Variants in PMP22 observed in about 807,000 individuals in gnomAD.
PMP22 encodes the protein peripheral myelin protein 22.
PMP22 carries 2 observed loss-of-function variants against 18.9 expected under a neutral mutation model. The ratio of observed to expected loss-of-function variants is 0.11; its 90% CI spans 0.04 to 0.33. PMP22 has a LOEUF of 0.33. PMP22 is among the 10% of genes least tolerant of loss of function. The pLI is 1.00. For missense variants in PMP22, 169 were observed against 202.2 expected (o/e 0.84, Z 1.00); for synonymous variants, 95 against 89.2 (o/e 1.07, Z -0.37).
intron 3 of PMP22, among the ~76,000 whole-genome samples, chr17:15,245,946 G>C (rs1239363328): frequency 6.6e-6 from 1 of 151,482 alleles, no homozygotes; most frequent in Non-Finnish European, 1.5e-5. Context: ...CCTGGAGGCG[G>C]AGCTTGCAGT....
chr17:15,231,312 T>G lies in PMP22; in HGVS notation c.320-232A>C, dbSNP rs527256892. Among the ~76,000 whole-genome samples the G allele has an allele frequency of 7.2e-5, 11 of 152,298 alleles. No individual in the cohort carries two copies. The South Asian group carries it at 2.1e-3, about 29-fold the overall frequency. On this transcript the variant is annotated intron_variant, in intron 4 of 4. Transcript: ENST00000312280. Reference sequence around the variant, plus strand: ...CACCTAGGCCTTAATACCTGAGGGTTTTCTTTACATTTTCTGCCCTATTTC... The same window carrying G: ...CACCTAGGCCTTAATACCTGAGGGTGTTCTTTACATTTTCTGCCCTATTTC...
chr17:15,247,282 T>C (rs993204727), intron 3 of PMP22, among the ~76,000 whole-genome samples: 2 of 151,984 alleles, frequency 1.3e-5, no homozygotes, highest in African/African-American at 4.8e-5. Flanking sequence ...GGCAGGAGAA[T>C]GGTGTGAACC....
At chr17:15,233,910 G>A (rs1906571375) in intron 4 of PMP22, among the ~76,000 whole-genome samples, 1 of 152,164 alleles carries the variant, frequency 6.6e-6, no homozygotes, top group South Asian at 2.1e-4. Context: ...GGAAAGAGAG[G>A]GCCTTACATG....
At position 15,261,110 on chromosome 17, in the gene PMP22, G is replaced by A. The variant is rs1176786967; in HGVS notation, c.-34-349C>T. On this transcript the variant is annotated intron_variant, in intron 1 of 4. Transcript: ENST00000312280. The surrounding 1 kb of genome is among the most constrained non-coding windows in gnomAD (Gnocchi z 5.2). The stretch of plus-strand genomic sequence containing the variant: ...CACTGCACGCTTCCACCCACCCCAA[G>A]CACCTCCCGGCGACCTCCCTGGAAG... 2 of 161,250 alleles carry A rather than the reference G, an allele frequency of 1.2e-5. No homozygotes were observed. Among genetic ancestry groups the A allele is most frequent in the Non-Finnish European group, 2.7e-5 (2 of 75,282 alleles). 10.0% of individuals were successfully genotyped at this position (161,250 alleles called of 1,614,324 possible). A position where few individuals can be genotyped will look rare whatever the true frequency, so the allele number is the denominator to read the frequency against.
chr17:15,246,006 G>T (rs1051971341), intron 3 of PMP22, among the ~76,000 whole-genome samples: 3 of 143,302 alleles, frequency 2.1e-5, no homozygotes, highest in Non-Finnish European at 4.5e-5. Context: ...GGGCGACAGA[G>T]CAAGACTCGT....
At chr17:15,232,138 C>T (rs967766914) in intron 4 of PMP22, among the ~76,000 whole-genome samples, 4 of 152,010 alleles carry the variant, frequency 2.6e-5, no homozygotes, top group Non-Finnish European at 5.9e-5. Flanking sequence ...GCCCCCCCAC[C>T]GCCCGGCCAC....
chr17:15,256,154 C>A (rs1462416729), intron 3 of PMP22, among the ~76,000 whole-genome samples: 2 of 151,360 alleles, frequency 1.3e-5, no homozygotes, highest in African/African-American at 4.9e-5. Flanking sequence ...AAATCTAAAA[C>A]TATTTCTAAT....
At position 15,230,944 on chromosome 17, in the gene PMP22, G is replaced by A; in HGVS notation, c.456C>T (p.Ile152=). ...AFPLALLSGV[I]YVILRKRE Reference sequence around the variant, plus strand: ...ATTCGCGTTTCCGCAAGATCACATAGATGACACCGCTGAGAAGGGCCAGGG... The same window carrying A: ...ATTCGCGTTTCCGCAAGATCACATAAATGACACCGCTGAGAAGGGCCAGGG... Residue 152 remains isoleucine (I), a synonymous_variant, in exon 5 of 5, where the codon ATC becomes ATT. Coordinates refer to ENST00000312280, the MANE Select transcript of PMP22 (RefSeq NM_000304.4). 1.9e-6 allele frequency: 3 copies of A among 1,614,162 alleles called. No homozygotes were observed. The East Asian group carries it at 6.7e-5, about 36-fold the overall frequency.
intron 3 of PMP22, among the ~76,000 whole-genome samples, chr17:15,245,738 T>C (rs1907742895): frequency 6.6e-6 from 1 of 151,910 alleles, no homozygotes. Flanking sequence ...CCGGGCGCAG[T>C]GGGTCACGCC....
At chr17:15,247,364 C>T (rs1466260626) in intron 3 of PMP22, among the ~76,000 whole-genome samples, 1 of 152,148 alleles carries the variant, frequency 6.6e-6, no homozygotes, top group African/African-American at 2.4e-5. Context: ...GCGAGACTGT[C>T]TCAAAAACAA....
intron 3 of PMP22, among the ~76,000 whole-genome samples, chr17:15,240,775 G>A (rs533284763): frequency 6.6e-6 from 1 of 152,296 alleles, no homozygotes; most frequent in Non-Finnish European, 1.5e-5. Context: ...GGAAGCTGCA[G>A]CATTTAATCC....
Position 15,258,153 on chromosome 17 carries a change from G to A in PMP22, c.178+941C>T, listed in dbSNP as rs554279008. 1.5e-4 allele frequency among the ~76,000 whole-genome samples: 23 copies of A among 152,230 alleles called. No homozygotes were observed. The highest frequency in any genetic ancestry group is 3.3e-4 in the Admixed American group (5 of 15,288). ...CAGCAACATTTAAAGCTGTATTTCCGTGGCCTTTTAAACCCAGGATGTTAG... is the reference window on the plus strand; with the variant it reads ...CAGCAACATTTAAAGCTGTATTTCCATGGCCTTTTAAACCCAGGATGTTAG... On this transcript the variant is annotated intron_variant, in intron 3 of 4. Coordinates refer to ENST00000312280, the MANE Select transcript of PMP22 (RefSeq NM_000304.4). This position sits in a 1 kb window ranked among gnomAD's most constrained non-coding sequence, Gnocchi z 4.1.
chr17:15,249,702 G>A (rs1908154014), intron 3 of PMP22, among the ~76,000 whole-genome samples: 1 of 152,120 alleles, frequency 6.6e-6, no homozygotes, highest in African/African-American at 2.4e-5. Flanking sequence ...AAAGAAGGAA[G>A]GAAAGAAAAA....
rs1416596864 is a variant in PMP22 at position 15,230,990 on chromosome 17, A to T, written c.410T>A (p.Ile137Asn). 3 of 1,614,060 alleles carry T rather than the reference A, an allele frequency of 1.9e-6. No homozygotes were observed. The African/African-American group carries it at 4.0e-5, about 22-fold the overall frequency. Residue 137 changes from isoleucine (I) to asparagine (N), a missense_variant, in exon 5 of 5, where the codon ATC becomes AAC. Ile to Asn is a moderately radical substitution (Grantham distance 149). Coordinates refer to ENST00000312280, the MANE Select transcript of PMP22 (RefSeq NM_000304.4). Reference protein sequence around the residue: ...NSDYSYGFAYILAWVAFPLAL... With the variant: ...NSDYSYGFAYNLAWVAFPLAL... ...CAGGGGGAAGGCCACCCAGGCCAGG[A>T]TGTAGGCGAAACCGTAGGAGTAATC...
chr17:15,259,114 CAGT>C lies in PMP22; in HGVS notation c.155_157del (p.His52_Cys53delinsArg). On this transcript the variant is annotated inframe_deletion, in exon 3 of 5. Coordinates refer to ENST00000312280, the MANE Select transcript of PMP22 (RefSeq NM_000304.4). ...CTCACCGTTTGGTGATGATGAGAAACAGTGGTGGACATTTCCTGAGGAAGAGGT... is the reference window on the plus strand; with the variant it reads ...CTCACCGTTTGGTGATGATGAGAAACGGTGGACATTTCCTGAGGAAGAGGT... 6.2e-7 allele frequency: 1 copy of C among 1,613,588 alleles called. No individual in the cohort carries two copies. The highest frequency in any genetic ancestry group is 8.5e-7 in the Non-Finnish European group (1 of 1,179,496).
intron 3 of PMP22, among the ~76,000 whole-genome samples, chr17:15,255,019 C>A (rs561870982): frequency 3.9e-5 from 6 of 152,194 alleles, no homozygotes; most frequent in African/African-American, 1.4e-4. Flanking sequence ...GAGAGAGAAG[C>A]CTCAACAGGT....
chr17:15,242,682 A>G (rs1907455202), intron 3 of PMP22, among the ~76,000 whole-genome samples: 1 of 152,232 alleles, frequency 6.6e-6, no homozygotes, highest in African/African-American at 2.4e-5. Context: ...AAGAAAGAAT[A>G]TAGATTACAT....
Position 15,230,324 on chromosome 17 carries a change from C to T in PMP22, c.*593G>A, listed in dbSNP as rs1365632498. The stretch of plus-strand genomic sequence containing the variant: ...TGTAAGGGCAAGTATGCCAATGCCA[C>T]AAGCCGTGTTTTTGCAAGGGCTCCA... On this transcript the variant is annotated 3_prime_UTR_variant, in exon 5 of 5. Coordinates refer to ENST00000312280, the MANE Select transcript of PMP22 (RefSeq NM_000304.4). The T allele has an allele frequency of 1.3e-5, 2 of 155,496 alleles. No homozygotes were observed. Among genetic ancestry groups the T allele is most frequent in the Non-Finnish European group, 2.9e-5 (2 of 69,858 alleles). 9.6% of individuals were successfully genotyped at this position (155,496 alleles called of 1,614,324 possible).
intron 1 of PMP22, among the ~76,000 whole-genome samples, chr17:15,264,803 C>T (rs1909601968): frequency 6.6e-6 from 1 of 152,182 alleles, no homozygotes; most frequent in South Asian, 2.1e-4. Flanking sequence ...GGCTCTGCCA[C>T]AGGTGGCAGC....
Sources: gnomAD v4.1 joint callset for allele counts (sites outside exome capture counted in the v4.1 genomes callset) on GRCh38, gnomAD v4.1.1 for gene constraint, Gnocchi (gnomAD v3.1) non-coding constraint, MANE v1.5 for transcripts, NCBI Gene and HGNC (gene_info 2026-07-23, HGNC 2026-07-21) for gene names.